The following MCF2L variants were observed in gnomAD, a reference collection of about 807,000 sequenced individuals.
MCF2L encodes MCF.2 cell line derived transforming sequence like.
Under a neutral mutation model 153.4 loss-of-function variants are expected in MCF2L, and 97 were observed. The observed-to-expected ratio is 0.63, with a 90% CI of 0.54 to 0.75. The LOEUF (loss-of-function observed/expected upper bound fraction) is 0.75, where lower values mean the gene tolerates loss of function less well. Among genes scored for constraint, MCF2L ranks in the 30% least tolerant of loss-of-function variants. The pLI is 0.00. For synonymous variants in MCF2L, 659 were observed against 632.2 expected, an observed-to-expected ratio of 1.04 and a Z score of -0.64; for missense variants, 1,347 against 1,495.2, an observed-to-expected ratio of 0.90 and a Z score of 1.64.
At chr13:112,896,869 C>T (rs1411140921) in intron 1 of MCF2L, among the ~76,000 whole-genome samples, 1 of 152,228 alleles carries the variant, frequency 6.6e-6, no homozygotes, top group South Asian at 2.1e-4. Flanking sequence ...ACAGATGGAA[C>T]AGGGCCCTGC....
intron 3 of MCF2L, chr13:113,044,916 G>C: frequency 6.2e-7 from 1 of 1,609,434 alleles, no homozygotes. Flanking sequence ...GTTTTGGAGG[G>C]TTTAGTCAGC....
At chr13:113,092,714 C>T (rs1205940530) in intron 26 of MCF2L, among the ~76,000 whole-genome samples, 1 of 152,266 alleles carries the variant, frequency 6.6e-6, no homozygotes, top group Non-Finnish European at 1.5e-5. Flanking sequence ...CAGTGCTGGC[C>T]TGGCCTGTGG....
At chr13:113,088,525 C>G (rs747942813) in intron 24 of MCF2L, 37 bp from the exon 25 acceptor site, 4 of 1,610,520 alleles carry the variant, frequency 2.5e-6, no homozygotes, top group Non-Finnish European at 3.4e-6. Flanking sequence ...GAAGTAAAGA[C>G]GCTCGTTCAC....
chr13:113,033,556 G>T (rs546385021), intron 3 of MCF2L, among the ~76,000 whole-genome samples: 1 of 152,188 alleles, frequency 6.6e-6, no homozygotes, highest in Admixed American at 6.5e-5. Context: ...GCTGTAAAGG[G>T]TCGCCCCGCC....
At chr13:113,011,858 A>G (rs2084146529) in intron 1 of MCF2L, among the ~76,000 whole-genome samples, 1 of 85,108 alleles carries the variant, frequency 1.2e-5, no homozygotes, top group Non-Finnish European at 2.3e-5. Context: ...GGCGGTGTGG[A>G]CGGTGGACAC....
At chr13:112,979,568 C>T (rs1168245561) in intron 1 of MCF2L, 47 of 1,571,364 alleles carry the variant, frequency 3.0e-5, no homozygotes, top group Non-Finnish European at 3.6e-5. Flanking sequence ...AGCAGAGACC[C>T]GAAGGCTGTG....
chr13:112,979,121 G>A (rs910188315), intron 1 of MCF2L, among the ~76,000 whole-genome samples: 1 of 152,224 alleles, frequency 6.6e-6, no homozygotes, highest in African/African-American at 2.4e-5. Flanking sequence ...CAGCAGACGG[G>A]AGCCACAGGC....
In MCF2L at chr13:113,084,995, G is replaced by A. The variant is rs536232625; in HGVS notation, c.2154+11G>A. On this transcript the variant is annotated intron_variant, in intron 19 of 29. Coordinates refer to ENST00000535094, the MANE Select transcript of MCF2L (RefSeq NM_001112732.3). ...TGCCCGTTTTTCCAGGTTTGTCCCC[G>A]GACCTTCCTTTAGAACGTTACTCCC... 83 of 1,613,628 alleles carry A rather than the reference G, an allele frequency of 5.1e-5. No individual in the cohort carries two copies. Among genetic ancestry groups the A allele is most frequent in the South Asian group, 4.0e-4 (36 of 91,082 alleles).
At chr13:112,908,395 C>T (rs1471055832) in intron 2 of MCF2L, among the ~76,000 whole-genome samples, 6 of 152,134 alleles carry the variant, frequency 3.9e-5, no homozygotes, top group Admixed American at 6.5e-5. Flanking sequence ...ATGGATGTGG[C>T]GGATTACCTG....
At chr13:112,911,993 A>G (rs2081237832) in intron 2 of MCF2L, among the ~76,000 whole-genome samples, 1 of 152,196 alleles carries the variant, frequency 6.6e-6, no homozygotes, top group African/African-American at 2.4e-5. Flanking sequence ...AAAAGAAAAA[A>G]CAATGTCTTC....
At chr13:112,930,742 G>T (rs2081454178) in intron 2 of MCF2L, among the ~76,000 whole-genome samples, 1 of 152,166 alleles carries the variant, frequency 6.6e-6, no homozygotes, top group African/African-American at 2.4e-5. Flanking sequence ...TTCGAGACCA[G>T]CCTGGCCAAC....
chr13:112,986,268 G>C (rs1254501953), intron 1 of MCF2L, among the ~76,000 whole-genome samples: 1 of 152,272 alleles, frequency 6.6e-6, no homozygotes, highest in Admixed American at 6.5e-5. Flanking sequence ...CCAGAGTGCT[G>C]AGTCCTTGTC....
At chr13:112,998,505 C>G (rs543661558) in intron 1 of MCF2L, among the ~76,000 whole-genome samples, 8 of 152,192 alleles carry the variant, frequency 5.3e-5, no homozygotes, top group Admixed American at 3.3e-4. Context: ...GCTGACTGGG[C>G]TCCCAGGACG....
chr13:113,001,937 G>A (rs368453585), intron 1 of MCF2L: 64 of 1,595,820 alleles, frequency 4.0e-5, no homozygotes, highest in Non-Finnish European at 4.4e-5. Flanking sequence ...TGTCACTGCT[G>A]TGCCGGGACC....
intron 16 of MCF2L, among the ~76,000 whole-genome samples, chr13:113,081,976 C>A: frequency 7.0e-6 from 1 of 143,720 alleles, no homozygotes; most frequent in African/African-American, 2.7e-5. Context: ...CATGTGATCA[C>A]CTGAGTGTAG....
rs2081184596 is a variant in MCF2L, at chr13:112,907,475, T to C, written c.169+5104T>C. On this transcript the variant is annotated intron_variant, in intron 2 of 29. Transcript: ENST00000375608. This position sits in a 1 kb window ranked among gnomAD's most constrained non-coding sequence, Gnocchi z 5.1. ...TGGAGAATCCTCGGTGTTTCCAGCA[T>C]GGGTCAGTCGCGGCTTGGTGGAGAA... Among the ~76,000 whole-genome samples, 1 of 151,998 alleles carries C rather than the reference T, an allele frequency of 6.6e-6. No homozygotes were observed. The highest frequency in any genetic ancestry group is 1.5e-5 in the Non-Finnish European group (1 of 67,984).
chr13:113,087,643 CT>C, intron 22 of MCF2L, 63 bp from the exon 23 acceptor site: 1 of 1,426,886 alleles, frequency 7.0e-7, no homozygotes. Flanking sequence ...GCACCAACAC[CT>C]TTTAAAAACA....
intron 14 of MCF2L, 47 bp downstream of exon 14, chr13:113,078,483 G>T (rs771602136): frequency 1.3e-6 from 2 of 1,543,190 alleles, no homozygotes; most frequent in South Asian, 2.3e-5. Flanking sequence ...CCCCTCCTTG[G>T]TTCACGCTGG....
intron 1 of MCF2L, among the ~76,000 whole-genome samples, chr13:112,978,002 A>T (rs1345486829): frequency 6.6e-6 from 1 of 152,212 alleles, no homozygotes; most frequent in Non-Finnish European, 1.5e-5. Flanking sequence ...TGAACCCAGG[A>T]GGTGGAGGTT....
Sources: allele counts gnomAD v4.1 joint callset (sites outside exome capture counted in the v4.1 genomes callset), GRCh38; gene constraint gnomAD v4.1.1; non-coding constraint Gnocchi (gnomAD v3.1); transcripts MANE v1.5; gene names NCBI Gene and HGNC (gene_info 2026-07-23, HGNC 2026-07-21).